TAB1: variants seen among roughly 807,000 people sequenced by gnomAD.
TAB1 encodes the protein TGF-beta-activated kinase 1 and MAP3K7-binding protein 1.
A neutral mutation model predicts 54.5 loss-of-function variants in TAB1; 30 were observed. The observed-to-expected ratio is 0.55, with a 90% CI of 0.41 to 0.75. TAB1 has a LOEUF of 0.75. Ranked by LOEUF, TAB1 falls within the 30% of genes least tolerant of loss-of-function variation. The pLI is 0.00. For synonymous variants in TAB1, 289 were observed against 286.9 expected, an observed-to-expected ratio of 1.01 and a Z score of -0.07; for missense variants, 609 against 683.2, an observed-to-expected ratio of 0.89 and a Z score of 1.21.
intron 4 of TAB1, 133 bp downstream of exon 4, chr22:39,417,010 C>T: frequency 1.2e-6 from 1 of 817,486 alleles, no homozygotes; most frequent in Non-Finnish European, 2.0e-6. Context: ...ATGGGTGACA[C>T]TGGTGTGTGG....
rs570472840 is a variant in TAB1 at position 39,405,548 on chromosome 22, G to A, written c.33+5713G>A. ...CTCTTGCTCCCTGCGCTCCAGCGCCGCTCACGGCTGGTGCTGGCAGGCCTG... is the reference window on the plus strand; with the variant it reads ...CTCTTGCTCCCTGCGCTCCAGCGCCACTCACGGCTGGTGCTGGCAGGCCTG... On this transcript the variant is annotated intron_variant, in intron 1 of 10. Transcript: ENST00000216160. 1.1e-3 allele frequency among the ~76,000 whole-genome samples: 169 copies of A among 152,298 alleles called. 1 individual carries two copies. The highest frequency in any genetic ancestry group is 2.5e-3 in the African/African-American group (106 of 41,570).
intron 1 of TAB1, among the ~76,000 whole-genome samples, chr22:39,413,051 A>G (rs1160378331): frequency 6.6e-6 from 1 of 151,858 alleles, no homozygotes; most frequent in Non-Finnish European, 1.5e-5. Flanking sequence ...AGTAGCTGGG[A>G]CTACAGGCGC....
intron 1 of TAB1, among the ~76,000 whole-genome samples, chr22:39,408,808 C>G (rs1241450352): frequency 1.3e-5 from 2 of 152,146 alleles, no homozygotes; most frequent in African/African-American, 4.8e-5. Flanking sequence ...GCCTCACTGG[C>G]CTTTTTTAAT....
downstream of TAB1, among the ~76,000 whole-genome samples, chr22:39,432,111 T>C (rs946901172): frequency 6.6e-6 from 1 of 152,174 alleles, no homozygotes. Context: ...CCAGATGTGT[T>C]CATGCACATC....
downstream of TAB1, chr22:39,436,631 G>A (rs1205712016): frequency 5.8e-6 from 8 of 1,370,490 alleles, no homozygotes; most frequent in Non-Finnish European, 6.3e-6. Context: ...GGGTTTTGTC[G>A]CCTGGTCTGA....
At position 39,399,844 on chromosome 22, in the gene TAB1, C is replaced by G. The variant is rs750184260; in HGVS notation, c.33+9C>G. The G allele has an allele frequency of 6.3e-7, 1 of 1,594,880 alleles. No individual in the cohort carries two copies. Among genetic ancestry groups the G allele is most frequent in the Non-Finnish European group, 8.5e-7 (1 of 1,171,212 alleles). ...GGAGCTTGCTGCAGAGTGTGAGGAA[C>G]AGGCCCGCTCTCTGGGCTTGGGGTT... On this transcript the variant is annotated intron_variant, in intron 1 of 10. Coordinates refer to ENST00000216160, the MANE Select transcript of TAB1 (RefSeq NM_006116.3).
chr22:39,425,209 C>T (rs1398099442), intron 8 of TAB1, among the ~76,000 whole-genome samples: 1 of 147,716 alleles, frequency 6.8e-6, no homozygotes, highest in Non-Finnish European at 1.5e-5. Context: ...CCCATCTCTA[C>T]TAAAAATACA....
chr22:39,421,881 G>A lies in TAB1; in HGVS notation c.831G>A (p.Pro277=), dbSNP rs138587320. The change falls in exon 8 of 11, where the codon CCG becomes CCA. Residue 277 remains proline, a synonymous_variant. Transcript: ENST00000216160. ...IAEPEIHGAQ[P]LDGVTGFLVL... ...AGCCAGAAATCCATGGGGCACAGCC[G>A]CTGGATGGGGTGACGGGCTTCTTGG... The A allele has an allele frequency of 1.6e-4, 255 of 1,613,856 alleles. No individual in the cohort carries two copies. The African/African-American group carries it at 2.7e-3, about 17-fold the overall frequency.
At position 39,399,788 on chromosome 22, in the gene TAB1, A is replaced by G. The variant is rs373143633; in HGVS notation, c.-15A>G. On this transcript the variant is annotated 5_prime_UTR_variant, in exon 1 of 11. Coordinates refer to ENST00000216160, the MANE Select transcript of TAB1 (RefSeq NM_006116.3). ...TCTGCGGGGAGGCGGGCGCTCCCGC[A>G]GGGGTTCCTCCAAGATGGCGGCGCA... 6.3e-7 allele frequency: 1 copy of G among 1,586,190 alleles called. No homozygotes were observed. The highest frequency in any genetic ancestry group is 8.6e-7 in the Non-Finnish European group (1 of 1,166,774).
At chr22:39,411,221 G>A (rs953265163) in intron 1 of TAB1, among the ~76,000 whole-genome samples, 1 of 152,072 alleles carries the variant, frequency 6.6e-6, no homozygotes. Context: ...AAAAACATAG[G>A]TGCTCTTTGT....
chr22:39,414,835 ACCCTTCTGC>A, intron 1 of TAB1, 162 bp from the exon 2 acceptor site: 1 of 657,784 alleles, frequency 1.5e-6, no homozygotes, highest in Non-Finnish European at 2.5e-6. Context: ...AAAACAGCAA[ACCCTTCTGC>A]AGGTGTCTGT....
intron 3 of TAB1, among the ~76,000 whole-genome samples, chr22:39,416,129 C>T (rs1926823921): frequency 6.6e-6 from 1 of 152,156 alleles, no homozygotes; most frequent in African/African-American, 2.4e-5. Context: ...CTGGCATCTG[C>T]TTTCAGGAGC....
intron 3 of TAB1, among the ~76,000 whole-genome samples, chr22:39,416,276 G>A (rs1300891648): frequency 1.3e-5 from 2 of 152,236 alleles, no homozygotes; most frequent in East Asian, 1.9e-4. Context: ...GGGAGAAGGT[G>A]TCAGTGTCAC....
rs770640476 is a variant in TAB1, at chr22:39,418,825, T to G, written c.644T>G (p.Leu215Arg). The G allele has an allele frequency of 1.2e-6, 2 of 1,613,922 alleles. No homozygotes were observed. Among genetic ancestry groups the G allele is most frequent in the Non-Finnish European group, 1.7e-6 (2 of 1,179,904 alleles). ...VDHTTENEDE[L>R]FRLSQLGLDA... The stretch of plus-strand genomic sequence containing the variant: ...CACACCACAGAGAACGAGGATGAGC[T>G]CTTCCGTCTTTCGCAGCTGGGTGAG... The change falls in exon 6 of 11, where the codon CTC becomes CGC. Residue 215 changes from leucine to arginine, a missense_variant. Leu to Arg is a moderately radical substitution (Grantham distance 102, BLOSUM62 -2). Transcript: ENST00000216160.
intron 1 of TAB1, 98 bp downstream of exon 1, chr22:39,399,933 C>A: frequency 7.4e-7 from 1 of 1,344,882 alleles, no homozygotes; most frequent in Non-Finnish European, 1.0e-6. Flanking sequence ...TGGACAGCCA[C>A]CCTCTCCGTG....
rs34739702 is a variant in TAB1 at position 39,420,606 on chromosome 22, G to A, written c.776+976G>A. On this transcript the variant is annotated intron_variant, in intron 7 of 10. Transcript: ENST00000216160. ...TTGTGGGGTCCTGTTTCCTTTATTGGAAAGGACATCCATAGTTTAAAACAC... is the reference window on the plus strand; with the variant it reads ...TTGTGGGGTCCTGTTTCCTTTATTGAAAAGGACATCCATAGTTTAAAACAC... Among the ~76,000 whole-genome samples the A allele has an allele frequency of 4.5e-3, 687 of 152,280 alleles. 6 individuals carry two copies. The highest frequency in any genetic ancestry group is 0.015 in the African/African-American group (637 of 41,538).
intron 1 of TAB1, among the ~76,000 whole-genome samples, chr22:39,408,236 C>G (rs1218491378): frequency 6.6e-6 from 1 of 152,180 alleles, no homozygotes; most frequent in Non-Finnish European, 1.5e-5. Flanking sequence ...ACTTAATGAA[C>G]AAGGCACGTG....
intron 1 of TAB1, among the ~76,000 whole-genome samples, chr22:39,411,916 G>A (rs1926623296): frequency 6.6e-6 from 1 of 152,220 alleles, no homozygotes; most frequent in South Asian, 2.1e-4. Context: ...GACTGTTGAT[G>A]CACACAGGCT....
intron 8 of TAB1, 134 bp downstream of exon 8, chr22:39,422,105 G>C (rs1387229710): frequency 9.0e-6 from 8 of 885,892 alleles, no homozygotes; most frequent in Non-Finnish European, 9.6e-6. Context: ...CTGGGGGAAG[G>C]AGAATCCCAG....
Sources: allele counts gnomAD v4.1 joint callset (sites outside exome capture counted in the v4.1 genomes callset), GRCh38; gene constraint gnomAD v4.1.1; transcripts MANE v1.5; gene names NCBI Gene and HGNC (gene_info 2026-07-23, HGNC 2026-07-21).